Variants in JKAMP observed in about 807,000 individuals in gnomAD.
The protein encoded by JKAMP is JNK1/MAPK8-associated membrane protein.
Under a neutral mutation model 40.2 loss-of-function variants are expected in JKAMP, and 20 were observed. The observed-to-expected ratio is 0.50, with a 90% CI of 0.35 to 0.72. The LOEUF (loss-of-function observed/expected upper bound fraction) is 0.72, where lower values mean the gene tolerates loss of function less well. Among genes scored for constraint, JKAMP ranks in the 30% least tolerant of loss-of-function variants. The pLI is 0.01. For synonymous variants in JKAMP, 138 were observed against 131.6 expected, an observed-to-expected ratio of 1.05 and a Z score of -0.33; for missense variants, 276 against 373.0, an observed-to-expected ratio of 0.74 and a Z score of 2.14.
In JKAMP at chr14:59,487,784, G is replaced by C; in HGVS notation, c.207G>C (p.Leu69=). The change falls in exon 3 of 7, where the codon CTG becomes CTC. Residue 69 remains leucine (L), a synonymous_variant. Coordinates refer to ENST00000616435, the MANE Select transcript of JKAMP (RefSeq NM_016475.5). ...LYLGFMAMLP[L]VLHWFFIEWY... The stretch of plus-strand genomic sequence containing the variant: ...TTGGATTTATGGCAATGCTTCCTCT[G>C]GTTTTACATTGGTTCTTCATTGAAT... The C allele has an allele frequency of 6.2e-7, 1 of 1,613,568 alleles. No individual in the cohort carries two copies.
chr14:59,493,044 C>T (rs1273154), intron 3 of JKAMP, among the ~76,000 whole-genome samples: 3,992 of 151,546 alleles, frequency 0.026, 166 homozygotes, highest in African/African-American at 0.089. Flanking sequence ...GTGATCCACC[C>T]GCCCCGGCCT....
chr14:59,493,607 TAAA>T (rs1891199777), intron 3 of JKAMP, among the ~76,000 whole-genome samples: 1 of 152,216 alleles, frequency 6.6e-6, no homozygotes, highest in Non-Finnish European at 1.5e-5. Context: ...GACAGTTTAA[TAAA>T]AAGGTTGACT....
In JKAMP at chr14:59,486,707, A is replaced by C; in HGVS notation, c.5-6A>C. 6.4e-7 allele frequency: 1 copy of C among 1,568,124 alleles called. No individual in the cohort carries two copies. Among genetic ancestry groups the C allele is most frequent in the Non-Finnish European group, 8.7e-7 (1 of 1,153,282 alleles). The stretch of plus-strand genomic sequence containing the variant: ...TGTTACTATACTGGCATTTGTTTTT[A>C]AAAAGCTGTCGATATTCAACCAGCA... On this transcript the variant is annotated splice_region_variant and splice_polypyrimidine_tract_variant and intron_variant, in intron 1 of 6. Transcript: ENST00000616435.
chr14:59,491,874 C>A lies in JKAMP; in HGVS notation c.252-3144C>A, dbSNP rs905886700. ...TTGGGTAGCCTCTGCTAAGACTAGA[C>A]CCTCAAGGGCCTGAAGCCTAAGGTA... On this transcript the variant is annotated intron_variant, in intron 3 of 6. Coordinates refer to ENST00000616435, the MANE Select transcript of JKAMP (RefSeq NM_016475.5). Among the ~76,000 whole-genome samples, 3 of 152,208 alleles carry A rather than the reference C, an allele frequency of 2.0e-5. No individual in the cohort carries two copies. In the East Asian group the frequency reaches 5.8e-4, roughly 29 times the overall value.
At chr14:59,494,936 A>T (rs1891326000) in intron 3 of JKAMP, 82 bp from the exon 4 acceptor site, 1 of 959,942 alleles carries the variant, frequency 1.0e-6, no homozygotes, top group East Asian at 2.5e-5. Context: ...AGAAATCTGT[A>T]TCTTGACACA....
intron 4 of JKAMP, 62 bp downstream of exon 4, chr14:59,495,286 A>AT (rs1891363801): frequency 7.6e-7 from 1 of 1,316,342 alleles, no homozygotes; most frequent in South Asian, 1.2e-5. Context: ...ATTATTATAG[A>AT]TTTTATGGCG....
Position 59,504,307 on chromosome 14 carries a change from T to C in JKAMP, c.*235T>C, listed in dbSNP as rs543037092. On this transcript the variant is annotated 3_prime_UTR_variant, in exon 7 of 7. Coordinates refer to ENST00000616435, the MANE Select transcript of JKAMP (RefSeq NM_016475.5). ...ATTATCTGCTACACTGGAAGGCCGC[T>C]AGGAAGCCCTTGCTTCTCTCAACAG... 1.8e-4 allele frequency: 86 copies of C among 485,810 alleles called. 1 individual carries two copies. In the East Asian group the frequency reaches 2.8e-3, roughly 16 times the overall value. The allele number at this position is 485,810 out of a possible 1,614,324, so 30.1% of individuals were successfully genotyped here. A position where few individuals can be genotyped will look rare whatever the true frequency, so the allele number is the denominator to read the frequency against.
chr14:59,494,919 T>C (rs951735415), intron 3 of JKAMP, 99 bp from the exon 4 acceptor site: 5 of 838,078 alleles, frequency 6.0e-6, no homozygotes, highest in Non-Finnish European at 9.4e-6. Context: ...ACTTTTCTTA[T>C]AGATTTAGAA....
chr14:59,498,928 T>G lies in JKAMP; in HGVS notation c.640+20T>G. ...TTTTATGTAAGTTTGATGGGTAAAGTCAATGAAATATATTTATTATTGTAT... is the reference window on the plus strand; with the variant it reads ...TTTTATGTAAGTTTGATGGGTAAAGGCAATGAAATATATTTATTATTGTAT... On this transcript the variant is annotated intron_variant, in intron 5 of 6. Coordinates refer to ENST00000616435, the MANE Select transcript of JKAMP (RefSeq NM_016475.5). 1 of 1,458,848 alleles carries G rather than the reference T, an allele frequency of 6.9e-7. No individual in the cohort carries two copies. Among genetic ancestry groups the G allele is most frequent in the Non-Finnish European group, 9.4e-7 (1 of 1,066,266 alleles). The allele number at this position is 1,458,848 out of a possible 1,614,324, so 90.4% of individuals were successfully genotyped here. A position where few individuals can be genotyped will look rare whatever the true frequency, so the allele number is the denominator to read the frequency against.
intron 4 of JKAMP, 140 bp downstream of exon 4, chr14:59,495,364 T>G: frequency 3.3e-6 from 2 of 612,316 alleles, no homozygotes; most frequent in East Asian, 2.8e-5. Flanking sequence ...CTTGAACATG[T>G]AAACAGCCTC....
At chr14:59,502,807 AGTG>A (rs1023637257) in intron 6 of JKAMP, among the ~76,000 whole-genome samples, 1 of 95,948 alleles carries the variant, frequency 1.0e-5, no homozygotes, top group African/African-American at 4.0e-5. Context: ...GCATGAGTGC[AGTG>A]GTGCAGTCTT....
At position 59,484,652 on chromosome 14, in the gene JKAMP, C is replaced by T. The variant is rs184526148; in HGVS notation, c.4+59C>T. 4,888 of 1,549,592 alleles carry T rather than the reference C, an allele frequency of 3.2e-3. 14 individuals carry two copies. Among genetic ancestry groups the T allele is most frequent in the Non-Finnish European group, 3.9e-3 (4,495 of 1,142,228 alleles). ...TGGTAGTCCCGACTACTTTCCTACA[C>T]GGCTGGCCTCGGGCTCGGCTCTTTG... On this transcript the variant is annotated intron_variant, in intron 1 of 6. Transcript: ENST00000616435.
Position 59,504,444 on chromosome 14 carries a change from T to C in JKAMP, c.*372T>C, listed in dbSNP as rs754111590. 9.2e-4 allele frequency: 170 copies of C among 183,892 alleles called. 2 individuals are homozygous for C. Among genetic ancestry groups the C allele is most frequent in the Admixed American group, 2.3e-3 (39 of 17,146 alleles). The allele number at this position is 183,892 out of a possible 1,614,324, so 11.4% of individuals were successfully genotyped here. A position where few individuals can be genotyped will look rare whatever the true frequency, so the allele number is the denominator to read the frequency against. ...TCTGCAGTCCTTAACAGTGGCGTAATTGTACTTACCTGTTGTGTTTCAGTT... is the reference window on the plus strand; with the variant it reads ...TCTGCAGTCCTTAACAGTGGCGTAACTGTACTTACCTGTTGTGTTTCAGTT... On this transcript the variant is annotated 3_prime_UTR_variant, in exon 7 of 7. Transcript: ENST00000616435.
In JKAMP at chr14:59,487,743, T is replaced by C. The variant is rs757069004; in HGVS notation, c.166T>C (p.Tyr56His). 30 of 1,613,280 alleles carry C rather than the reference T, an allele frequency of 1.9e-5. No individual in the cohort carries two copies. Among genetic ancestry groups the C allele is most frequent in the Non-Finnish European group, 2.5e-6 (3 of 1,179,416 alleles). ...GCCTTGCACAGAATCTCCTGAACTTTATGATTGGCTCTATCTTGGATTTAT... is the reference window on the plus strand; with the variant it reads ...GCCTTGCACAGAATCTCCTGAACTTCATGATTGGCTCTATCTTGGATTTAT... ...CQPCTESPEL[Y>H]DWLYLGFMAM... Residue 56 changes from tyrosine to histidine, a missense_variant, in exon 3 of 7, where the codon TAT becomes CAT. By Grantham distance (83) the Tyr-to-His change is moderately conservative. Coordinates refer to ENST00000616435, the MANE Select transcript of JKAMP (RefSeq NM_016475.5).
In JKAMP at chr14:59,505,291, C is replaced by G. The variant is rs372589645; in HGVS notation, c.*1219C>G. The G allele has an allele frequency of 2.0e-6, 3 of 1,503,774 alleles. No individual in the cohort carries two copies. The highest frequency in any genetic ancestry group is 2.7e-6 in the Non-Finnish European group (3 of 1,124,666). 93.2% of individuals were successfully genotyped at this position (1,503,774 alleles called of 1,614,324 possible). Reference sequence around the variant, plus strand: ...ACATTTAACCACTGGGAAATGAACCCTTGTACGAATGTGTTTCTTCTTCTC... The same window carrying G: ...ACATTTAACCACTGGGAAATGAACCGTTGTACGAATGTGTTTCTTCTTCTC... On this transcript the variant is annotated 3_prime_UTR_variant, in exon 7 of 7. Coordinates refer to ENST00000616435, the MANE Select transcript of JKAMP (RefSeq NM_016475.5).
At chr14:59,494,465 T>G (rs1891281238) in intron 3 of JKAMP, among the ~76,000 whole-genome samples, 1 of 152,170 alleles carries the variant, frequency 6.6e-6, no homozygotes. Flanking sequence ...AGACTTCCAT[T>G]AGTGTGATAT....
At chr14:59,492,960 GCCAA>G (rs2139879308) in intron 3 of JKAMP, among the ~76,000 whole-genome samples, 1 of 152,020 alleles carries the variant, frequency 6.6e-6, no homozygotes, top group East Asian at 1.9e-4. Flanking sequence ...ACCACGCCCG[GCCAA>G]TTTTTTTGTA....
rs1891349125 is a variant in JKAMP, at chr14:59,495,212, C to T, written c.446C>T (p.Ala149Val). 6.2e-7 allele frequency: 1 copy of T among 1,606,482 alleles called. No individual in the cohort carries two copies. Among genetic ancestry groups the T allele is most frequent in the South Asian group, 1.1e-5 (1 of 90,910 alleles). ...YVTTVHCTHE[A>V]VYPLYTIVFI... ...ACCACAGTACACTGTACTCATGAAG[C>T]CGTCTACCCACTGTAAGTGTTTATT... The change falls in exon 4 of 7, where the codon GCC (alanine) becomes GTC (valine). Residue 149 changes from alanine (A) to valine (V), a missense_variant. By Grantham distance (64) the Ala-to-Val change is moderately conservative. Transcript: ENST00000616435.
intron 6 of JKAMP, among the ~76,000 whole-genome samples, chr14:59,503,125 C>T (rs1266437130): frequency 2.4e-5 from 3 of 125,088 alleles, no homozygotes; most frequent in African/African-American, 1.0e-4. Flanking sequence ...TGTTTCTCTG[C>T]CCCTGTGAAT....
Sources: gnomAD v4.1 joint callset for allele counts (sites outside exome capture counted in the v4.1 genomes callset) on GRCh38, gnomAD v4.1.1 for gene constraint, MANE v1.5 for transcripts, NCBI Gene and HGNC (gene_info 2026-07-23, HGNC 2026-07-21) for gene names.